JAZF1: variants seen among roughly 807,000 people sequenced by gnomAD.
The protein encoded by JAZF1 is juxtaposed with another zinc finger protein 1.
In JAZF1, 8 loss-of-function variants were observed where a neutral mutation model predicts 26.4. The observed-to-expected ratio is 0.30, with a 90% confidence interval of 0.18 to 0.55. The LOEUF (loss-of-function observed/expected upper bound fraction) is 0.55. Among genes scored for constraint, JAZF1 ranks in the 20% least tolerant of loss-of-function variants. JAZF1 has a pLI of 0.94. For missense variants in JAZF1, 199 were observed against 322.0 expected, an observed-to-expected ratio of 0.62 and a Z score of 2.92; for synonymous variants, 126 against 122.3, an observed-to-expected ratio of 1.03 and a Z score of -0.20.
chr7:27,987,000 C>T (rs544644483), intron 2 of JAZF1, among the ~76,000 whole-genome samples: 9 of 152,244 alleles, frequency 5.9e-5, no homozygotes, highest in East Asian at 2.0e-4. Flanking sequence ...GATCTCGGCT[C>T]GCTACAACCT....
At chr7:28,179,395 G>C (rs1011647251) in intron 1 of JAZF1, among the ~76,000 whole-genome samples, 2 of 152,228 alleles carry the variant, frequency 1.3e-5, no homozygotes, top group African/African-American at 4.8e-5. Flanking sequence ...AGGCGTGAAG[G>C]GAAAGCAGCC....
At chr7:28,009,640 C>T (rs538897478) in intron 1 of JAZF1, among the ~76,000 whole-genome samples, 40 of 152,242 alleles carry the variant, frequency 2.6e-4, no homozygotes, top group African/African-American at 8.7e-4. Flanking sequence ...CATGTCACCA[C>T]GCCCAGCTAA....
intron 2 of JAZF1, among the ~76,000 whole-genome samples, chr7:27,986,188 T>C (rs1396144147): frequency 1.3e-5 from 2 of 152,234 alleles, no homozygotes; most frequent in African/African-American, 2.4e-5. Context: ...TGTTTGCAGA[T>C]GACATGATTG....
intron 2 of JAZF1, among the ~76,000 whole-genome samples, chr7:27,931,750 CTGCTTGAACCGGGGAGAAT>C (rs1212101398): frequency 4.9e-4 from 74 of 151,870 alleles, no homozygotes; most frequent in Non-Finnish European, 9.3e-4. Flanking sequence ...CCTGGGAGAA[CTGCTTGAACCGGGGAGAAT>C]TGCTTGAACC....
rs988652376 is a variant in JAZF1, at chr7:27,986,750, T to C, written c.188+5159A>G. On this transcript the variant is annotated intron_variant, in intron 2 of 4. Coordinates refer to ENST00000283928, the MANE Select transcript of JAZF1 (RefSeq NM_175061.4). ...GCTGCCATCTCGGCTCACTGCAACCTCCCTGCCTGATTCTCCTGCCTCAGC... is the reference window on the plus strand; with the variant it reads ...GCTGCCATCTCGGCTCACTGCAACCCCCCTGCCTGATTCTCCTGCCTCAGC... Among the ~76,000 whole-genome samples, 3 of 149,208 alleles carry C rather than the reference T, an allele frequency of 2.0e-5. No homozygotes were observed. In the Admixed American group the frequency reaches 2.0e-4, roughly 10 times the overall value.
Position 27,840,387 on chromosome 7 carries a change from G to A in JAZF1, c.555+311C>T, listed in dbSNP as rs1782899570. Among the ~76,000 whole-genome samples, 2 of 152,248 alleles carry A rather than the reference G, an allele frequency of 1.3e-5. No individual in the cohort carries two copies. Among genetic ancestry groups the A allele is most frequent in the Admixed American group, 1.3e-4 (2 of 15,288 alleles). On this transcript the variant is annotated intron_variant, in intron 4 of 4. Transcript: ENST00000283928. This position sits in a 1 kb window ranked among gnomAD's most constrained non-coding sequence, Gnocchi z 5.1. Reference sequence around the variant, plus strand: ...GACATATTTGATATTCTGTTCTGATGGGTCCCCCAATATGACATGAATTTG... The same window carrying A: ...GACATATTTGATATTCTGTTCTGATAGGTCCCCCAATATGACATGAATTTG...
intron 1 of JAZF1, among the ~76,000 whole-genome samples, chr7:28,043,498 A>G (rs573035977): frequency 9.8e-4 from 149 of 152,306 alleles, no homozygotes; most frequent in African/African-American, 3.5e-3. Context: ...AGGGCTGGAT[A>G]CATGAGTTGG....
At chr7:27,956,290 A>G (rs1439633399) in intron 2 of JAZF1, among the ~76,000 whole-genome samples, 1 of 152,162 alleles carries the variant, frequency 6.6e-6, no homozygotes, top group Non-Finnish European at 1.5e-5. Flanking sequence ...GCAGTCAACT[A>G]GCCATATATT....
intron 3 of JAZF1, among the ~76,000 whole-genome samples, chr7:27,851,035 C>T (rs901164953): frequency 6.6e-6 from 1 of 152,130 alleles, no homozygotes; most frequent in African/African-American, 2.4e-5. Flanking sequence ...TTCCACCTCC[C>T]GGGTTCAAAT....
chr7:28,069,744 C>T (rs552715453), intron 1 of JAZF1, among the ~76,000 whole-genome samples: 1 of 152,302 alleles, frequency 6.6e-6, no homozygotes, highest in African/African-American at 2.4e-5. Flanking sequence ...GTTTGGGGCG[C>T]TTTTTTCTCC....
At chr7:27,903,972 G>C (rs1784208084) in intron 2 of JAZF1, among the ~76,000 whole-genome samples, 1 of 152,166 alleles carries the variant, frequency 6.6e-6, no homozygotes, top group African/African-American at 2.4e-5. Context: ...TGGCAGATGG[G>C]CCCTGAGATT....
chr7:27,965,924 T>G lies in JAZF1; in HGVS notation c.188+25985A>C, dbSNP rs566040968. On this transcript the variant is annotated intron_variant, in intron 2 of 4. Coordinates refer to ENST00000283928, the MANE Select transcript of JAZF1 (RefSeq NM_175061.4). ...AAAAACACATGAGCAATGCAACCAC[T>G]GCATATACAAAACCAAGATGACTGT... is the stretch of plus-strand genomic sequence containing the variant. Among the ~76,000 whole-genome samples, 3 of 152,306 alleles carry G rather than the reference T, an allele frequency of 2.0e-5. No individual in the cohort carries two copies. The East Asian group carries it at 5.8e-4, about 29-fold the overall frequency.
intron 2 of JAZF1, among the ~76,000 whole-genome samples, chr7:27,927,162 A>T: frequency 6.6e-6 from 1 of 152,204 alleles, no homozygotes; most frequent in East Asian, 1.9e-4. Flanking sequence ...GAGATCCAGG[A>T]GCTGCTCTGT....
At chr7:28,022,644 C>A (rs1455275933) in intron 1 of JAZF1, among the ~76,000 whole-genome samples, 1 of 152,210 alleles carries the variant, frequency 6.6e-6, no homozygotes, top group Non-Finnish European at 1.5e-5. Flanking sequence ...TTACTATATC[C>A]TTTACTATTC....
chr7:28,131,666 A>G (rs1782795732), intron 1 of JAZF1, among the ~76,000 whole-genome samples: 1 of 152,194 alleles, frequency 6.6e-6, no homozygotes. Context: ...ACTTCTCAAC[A>G]CTAACCACAA....
intron 1 of JAZF1, among the ~76,000 whole-genome samples, chr7:28,029,927 G>C (rs1010876114): frequency 1.3e-5 from 2 of 152,188 alleles, no homozygotes; most frequent in African/African-American, 2.4e-5. Context: ...GAGGTGAATG[G>C]AGCACTGGCC....
At chr7:27,837,271 T>C (rs1387094307) in intron 4 of JAZF1, among the ~76,000 whole-genome samples, 1 of 152,208 alleles carries the variant, frequency 6.6e-6, no homozygotes, top group African/African-American at 2.4e-5. Flanking sequence ...CTATCTGCAT[T>C]ATAAGGAAGG....
intron 2 of JAZF1, among the ~76,000 whole-genome samples, chr7:27,965,125 A>C (rs1423749845): frequency 2.0e-5 from 3 of 152,204 alleles, no homozygotes; most frequent in African/African-American, 7.2e-5. Context: ...ATATGTACAT[A>C]CTGTTCTTCA....
chr7:28,166,344 C>A (rs1358141114), intron 1 of JAZF1, among the ~76,000 whole-genome samples: 1 of 152,192 alleles, frequency 6.6e-6, no homozygotes, highest in African/African-American at 2.4e-5. Context: ...CAAGGCCCAG[C>A]CTGGGGTTTT....
Sources: allele counts gnomAD v4.1 joint callset (sites outside exome capture counted in the v4.1 genomes callset), GRCh38; gene constraint gnomAD v4.1.1; non-coding constraint Gnocchi (gnomAD v3.1); transcripts MANE v1.5; gene names NCBI Gene and HGNC (gene_info 2026-07-23, HGNC 2026-07-21).